SPEF2: variants seen among roughly 807,000 people sequenced by gnomAD.
The protein encoded by SPEF2 is sperm flagellar and cilia associated 2, also known as sperm flagella and cilia-associated protein 2.
SPEF2 carries 187 observed loss-of-function variants against 224.6 expected under a neutral mutation model. The observed-to-expected ratio is 0.83, with a 90% CI of 0.74 to 0.94. SPEF2 has a LOEUF of 0.94. SPEF2 is among the 40% of genes least tolerant of loss of function. The pLI, the probability that SPEF2 is intolerant of heterozygous loss-of-function variation, is 0.00. For synonymous variants in SPEF2, 715 were observed against 707.3 expected, an observed-to-expected ratio of 1.01 and a Z score of -0.17; for missense variants, 2,170 against 2,135.6, an observed-to-expected ratio of 1.02 and a Z score of -0.32.
At chr5:35,801,148 A>C (rs566593533) in intron 34 of SPEF2, among the ~76,000 whole-genome samples, 2 of 152,328 alleles carry the variant, frequency 1.3e-5, no homozygotes, top group East Asian at 3.9e-4. Flanking sequence ...CAGTGGCAGA[A>C]AGTTCAGCCT....
At position 35,779,362 on chromosome 5, in the gene SPEF2, A is replaced by G; in HGVS notation, c.4447+16A>G. ...GCACCTAAAGGTAGGAAAAATAATT[A>G]TCATGAAAAGAGCACAAAAAAAGGT... On this transcript the variant is annotated intron_variant, in intron 30 of 36. Coordinates refer to ENST00000356031, the MANE Select transcript of SPEF2 (RefSeq NM_024867.4). 1.9e-6 allele frequency: 3 copies of G among 1,572,360 alleles called. No homozygotes were observed. The highest frequency in any genetic ancestry group is 1.7e-6 in the Non-Finnish European group (2 of 1,157,226).
intron 10 of SPEF2, among the ~76,000 whole-genome samples, chr5:35,673,293 A>G (rs1320790358): frequency 2.6e-5 from 4 of 152,184 alleles, no homozygotes; most frequent in Non-Finnish European, 4.4e-5. Flanking sequence ...TCAATCATGC[A>G]GTGGACTCCT....
Position 35,779,850 on chromosome 5 carries a change from ATG to A in SPEF2, c.4447+508_4447+509del, listed in dbSNP as rs1224095277. On this transcript the variant is annotated intron_variant, in intron 30 of 36. Transcript: ENST00000356031. ...TTAATTAGTCGGTTTGTTCATATGT[ATG>A]TGTAAATGTTTTCTGCACACAACAA... Among the ~76,000 whole-genome samples the A allele has an allele frequency of 2.6e-5, 4 of 152,194 alleles. 1 individual carries two copies. Among genetic ancestry groups the A allele is most frequent in the African/African-American group, 9.6e-5 (4 of 41,458 alleles).
At chr5:35,683,939 G>A (rs545269755) in intron 10 of SPEF2, 1 of 152,284 alleles carries the variant, frequency 6.6e-6, no homozygotes, top group Admixed American at 6.5e-5. Flanking sequence ...CACAGAAAGA[G>A]TATCTCGTTA....
rs927487455 is a variant in SPEF2 at position 35,759,580 on chromosome 5, C to G, written c.3481C>G (p.Arg1161Gly). The change falls in exon 25 of 37, where the codon CGT becomes GGT. Residue 1161 changes from arginine (R) to glycine (G), a missense_variant. Transcript: ENST00000356031. ...FFSLMQAELN[R>G]FQDTKRLLQD... ...TTTGCTATTAAAGGCAGAGCTGAAC[C>G]GTTTCCAAGATACAAAGAGACTCCT... The G allele has an allele frequency of 2.5e-6, 4 of 1,590,932 alleles. No homozygotes were observed. In the African/African-American group the frequency reaches 4.0e-5, roughly 16 times the overall value.
chr5:35,687,167 A>G (rs1475376750), intron 10 of SPEF2, among the ~76,000 whole-genome samples: 1 of 152,196 alleles, frequency 6.6e-6, no homozygotes, highest in African/African-American at 2.4e-5. Flanking sequence ...AGGATATCTA[A>G]CATTATTTTT....
In SPEF2 at chr5:35,773,905, C is replaced by T; in HGVS notation, c.3962C>T (p.Pro1321Leu). 1 of 1,612,536 alleles carries T rather than the reference C, an allele frequency of 6.2e-7. No individual in the cohort carries two copies. Among genetic ancestry groups the T allele is most frequent in the Non-Finnish European group, 8.5e-7 (1 of 1,179,320 alleles). ...EDKKPKGKSP[P>L]MAEATPVIVT... ...ATTGCCCTTTCAGGTAAATCACCAC[C>T]TATGGCAGAAGCAACTCCTGTCATA... Residue 1321 changes from proline to leucine, a missense_variant, in exon 28 of 37, where the codon CCT (proline) becomes CTT (leucine). Pro to Leu is a moderately conservative substitution (Grantham distance 98). Transcript: ENST00000356031.
At chr5:35,759,233 A>G (rs1312028435) in intron 24 of SPEF2, among the ~76,000 whole-genome samples, 1 of 152,142 alleles carries the variant, frequency 6.6e-6, no homozygotes, top group Non-Finnish European at 1.5e-5. Flanking sequence ...GATTGAATCT[A>G]GGACACAGGA....
chr5:35,652,428 T>C lies in SPEF2; in HGVS notation c.792-2112T>C, dbSNP rs60514226. Among the ~76,000 whole-genome samples, 1,063 of 152,284 alleles carry C rather than the reference T, an allele frequency of 7.0e-3. 15 individuals carry two copies. Among genetic ancestry groups the C allele is most frequent in the African/African-American group, 0.025 (1,029 of 41,566 alleles). ...AAAAGTGTTACGCTACACAATTAAATACTAAATCTTAATAAATAGATAGGG... is the reference window on the plus strand; with the variant it reads ...AAAAGTGTTACGCTACACAATTAAACACTAAATCTTAATAAATAGATAGGG... On this transcript the variant is annotated intron_variant, in intron 6 of 36. Transcript: ENST00000356031.
At chr5:35,688,069 A>C (rs964855659) in intron 10 of SPEF2, among the ~76,000 whole-genome samples, 2 of 152,202 alleles carry the variant, frequency 1.3e-5, no homozygotes. Context: ...AAGTAGGCTC[A>C]AGGTTAAACT....
rs1356242462 is a variant in SPEF2, at chr5:35,661,236, T to G, written c.1167+2029T>G. On this transcript the variant is annotated intron_variant, in intron 8 of 36. Coordinates refer to ENST00000356031, the MANE Select transcript of SPEF2 (RefSeq NM_024867.4). ...ACTTCTTTTATGTGAAGAAAGGAGG[T>G]TTTTTTTTTGGTATATATTATATAT... 6.8e-5 allele frequency among the ~76,000 whole-genome samples: 9 copies of G among 132,712 alleles called. No homozygotes were observed. In the South Asian group the frequency reaches 1.4e-3, roughly 21 times the overall value. 87.1% of individuals were successfully genotyped at this position (132,712 alleles called of 152,430 possible).
At chr5:35,799,371 C>A (rs993709836) in intron 33 of SPEF2, among the ~76,000 whole-genome samples, 1 of 152,142 alleles carries the variant, frequency 6.6e-6, no homozygotes, top group Non-Finnish European at 1.5e-5. Context: ...GACCCTGTGT[C>A]AATGTCAGCT....
At chr5:35,775,365 G>C (rs1358449617) in intron 28 of SPEF2, among the ~76,000 whole-genome samples, 3 of 152,136 alleles carry the variant, frequency 2.0e-5, no homozygotes, top group Non-Finnish European at 4.4e-5. Flanking sequence ...GAAGACTATG[G>C]ATAAGTTTTT....
At chr5:35,680,891 A>G (rs184008700) in intron 10 of SPEF2, among the ~76,000 whole-genome samples, 1 of 152,330 alleles carries the variant, frequency 6.6e-6, no homozygotes, top group Admixed American at 6.5e-5. Flanking sequence ...CACTTCCAGC[A>G]TCCAGACTTT....
chr5:35,801,891 A>C (rs1022873777), intron 34 of SPEF2, among the ~76,000 whole-genome samples: 1 of 152,188 alleles, frequency 6.6e-6, no homozygotes, highest in African/African-American at 2.4e-5. Flanking sequence ...AAGTTGAGGC[A>C]AGGCCTGGTA....
intron 34 of SPEF2, among the ~76,000 whole-genome samples, chr5:35,804,109 A>G (rs1757777017): frequency 6.6e-6 from 1 of 152,254 alleles, no homozygotes; most frequent in Admixed American, 6.5e-5. Context: ...GCCCTGGGGT[A>G]GAAACACATA....
At chr5:35,799,853 C>A in intron 33 of SPEF2, 115 bp from the exon 34 acceptor site, 1 of 1,083,542 alleles carries the variant, frequency 9.2e-7, no homozygotes, top group Non-Finnish European at 1.3e-6. Flanking sequence ...TTTACTAATT[C>A]AATCCTCAGA....
chr5:35,652,461 C>A (rs542531974), intron 6 of SPEF2, among the ~76,000 whole-genome samples: 1 of 152,244 alleles, frequency 6.6e-6, no homozygotes, highest in South Asian at 2.1e-4. Context: ...GGGTTAAACT[C>A]TGTCTTTGGC....
At chr5:35,803,477 C>G (rs1035340769) in intron 34 of SPEF2, among the ~76,000 whole-genome samples, 15 of 152,200 alleles carry the variant, frequency 9.9e-5, no homozygotes, top group African/African-American at 3.1e-4. Context: ...GAACACTGCG[C>G]TGCAGAGATT....
Sources: gnomAD v4.1 joint callset for allele counts (sites outside exome capture counted in the v4.1 genomes callset) on GRCh38, gnomAD v4.1.1 for gene constraint, MANE v1.5 for transcripts, NCBI Gene and HGNC (gene_info 2026-07-23, HGNC 2026-07-21) for gene names.